Variants in WDR44 observed in about 807,000 individuals in gnomAD.
WDR44 encodes WD repeat-containing protein 44.
WDR44 carries 9 observed loss-of-function variants against 65.7 expected under a neutral mutation model. The observed-to-expected ratio is 0.14, with a 90% confidence interval of 0.08 to 0.24. The LOEUF is 0.24. Ranked by LOEUF, WDR44 falls within the 10% of genes least tolerant of loss-of-function variation. The pLI is 1.00. For missense variants in WDR44, 425 were observed against 670.9 expected, an observed-to-expected ratio of 0.63 and a Z score of 4.05; for synonymous variants, 220 against 235.2, an observed-to-expected ratio of 0.94 and a Z score of 0.59.
chrX:118,398,538 C>T (rs2056885637), intron 8 of WDR44, 68 bp downstream of exon 8: 3 of 915,922 alleles, frequency 3.3e-6, no homozygotes, highest in Non-Finnish European at 3.1e-6. Flanking sequence ...AACTACCATA[C>T]TATTTTAAAT....
chrX:118,346,695 C>G, intron 1 of WDR44, 115 bp downstream of exon 1: 1 of 588,159 alleles, frequency 1.7e-6, no homozygotes, highest in Non-Finnish European at 2.6e-6. Context: ...TGTTCCTCCC[C>G]GTCTCACTGG....
chrX:118,393,592 CAA>C (rs34351231), intron 4 of WDR44, among the ~76,000 whole-genome samples: 46 of 83,084 alleles, frequency 5.5e-4, no homozygotes, highest in South Asian at 5.6e-4. Flanking sequence ...AATCTTGTCT[CAA>C]AAAAAAAAAA....
chrX:118,353,315 C>T (rs1401921033), intron 1 of WDR44, among the ~76,000 whole-genome samples: 1 of 111,913 alleles, frequency 8.9e-6, no homozygotes, highest in Non-Finnish European at 1.9e-5. Flanking sequence ...TACCTGATGG[C>T]AACCCTGATG....
intron 1 of WDR44, 67 bp downstream of exon 1, chrX:118,346,647 C>T (rs903873204): frequency 3.0e-5 from 26 of 875,955 alleles, no homozygotes; most frequent in Non-Finnish European, 4.0e-5. Context: ...GTGTCTTCCC[C>T]CTACACCCCT....
At position 118,393,208 on chromosome X, in the gene WDR44, C is replaced by T. The variant is rs1214965973; in HGVS notation, c.763C>T (p.Pro255Ser). ...ACCCCCACCTCCTTCTCGACCTGCT[C>T]CACCACCAAGAAAAAGGAAAAGCGA... ...PRPPPPSRPA[P>S]PPRKRKSELE... The change falls in exon 4 of 20, where the codon CCA becomes TCA. Residue 255 changes from proline (P) to serine (S), a missense_variant. This residue lies in a region of WDR44 where 193 missense variants were observed against 209.0 expected (regional missense o/e 0.92). Coordinates refer to ENST00000254029, the MANE Select transcript of WDR44 (RefSeq NM_019045.5). 6 of 1,203,411 alleles carry T rather than the reference C, an allele frequency of 5.0e-6. No homozygotes were observed. The highest frequency in any genetic ancestry group is 6.7e-6 in the Non-Finnish European group (6 of 893,438).
chrX:118,437,079 C>G (rs925542226), intron 14 of WDR44, among the ~76,000 whole-genome samples: 2 of 110,834 alleles, frequency 1.8e-5, no homozygotes, highest in South Asian at 7.6e-4. Flanking sequence ...AATAAAGTAT[C>G]CTATTAAAGA....
intron 1 of WDR44, among the ~76,000 whole-genome samples, chrX:118,364,791 T>C (rs952950687): frequency 1.8e-5 from 2 of 112,445 alleles, no homozygotes; most frequent in Non-Finnish European, 3.8e-5. Flanking sequence ...TTTAATACTT[T>C]ATCAGGGAAG....
chrX:118,395,913 C>A (rs1307668577), intron 6 of WDR44, among the ~76,000 whole-genome samples: 1 of 110,320 alleles, frequency 9.1e-6, no homozygotes, highest in Non-Finnish European at 1.9e-5. Flanking sequence ...ATCCCAGTTA[C>A]CCAGAGGCTG....
intron 1 of WDR44, among the ~76,000 whole-genome samples, chrX:118,354,680 T>C (rs1195077990): frequency 9.0e-6 from 1 of 111,511 alleles, no homozygotes; most frequent in East Asian, 2.8e-4. Flanking sequence ...TTTTGTTACA[T>C]AGGTATACAC....
chrX:118,368,481 A>ATATATATATATATATATATATATAT (rs1377849821), intron 1 of WDR44, among the ~76,000 whole-genome samples: 3 of 95,287 alleles, frequency 3.1e-5, no homozygotes, highest in Non-Finnish European at 6.0e-5. Context: ...ATATATATAT[A>ATATATATATATATATATATATATAT]CTTCTTGAGG....
intron 1 of WDR44, among the ~76,000 whole-genome samples, chrX:118,358,906 C>G (rs998626328): frequency 9.0e-6 from 1 of 110,913 alleles, no homozygotes; most frequent in Non-Finnish European, 1.9e-5. Context: ...AACTCCATCT[C>G]TACTAAAAAT....
chrX:118,401,810 C>T (rs1361413101), intron 8 of WDR44, among the ~76,000 whole-genome samples: 3 of 103,124 alleles, frequency 2.9e-5, no homozygotes, highest in Non-Finnish European at 3.9e-5. Flanking sequence ...TTAGGTCTAA[C>T]GTTTAAATCT....
At chrX:118,383,032 A>G (rs938316098) in intron 2 of WDR44, among the ~76,000 whole-genome samples, 1 of 111,956 alleles carries the variant, frequency 8.9e-6, no homozygotes, top group African/African-American at 3.2e-5. Context: ...CCTGGATGTT[A>G]TACATCACTG....
chrX:118,414,388 T>C (rs961331404), intron 12 of WDR44, among the ~76,000 whole-genome samples: 4 of 108,923 alleles, frequency 3.7e-5, no homozygotes, highest in African/African-American at 1.3e-4. Context: ...GTGGCACTAT[T>C]CACAATAGCA....
At chrX:118,398,521 AT>A (rs2056885292) in intron 8 of WDR44, 51 bp downstream of exon 8, 4 of 982,568 alleles carry the variant, frequency 4.1e-6, no homozygotes, top group Non-Finnish European at 5.7e-6. Flanking sequence ...ATTTAAAAAA[AT>A]ATGAGAACTA....
chrX:118,430,086 G>A (rs1346569803), intron 12 of WDR44, among the ~76,000 whole-genome samples: 3 of 111,561 alleles, frequency 2.7e-5, no homozygotes, highest in Non-Finnish European at 5.6e-5. Context: ...GGTATAATAG[G>A]AAGATTGGTA....
intron 1 of WDR44, among the ~76,000 whole-genome samples, chrX:118,350,341 C>T (rs953510793): frequency 4.5e-5 from 5 of 111,583 alleles, no homozygotes; most frequent in Admixed American, 2.9e-4. Flanking sequence ...GACTGTCTGG[C>T]GTTCTTTCTG....
At chrX:118,432,731 G>A in intron 12 of WDR44, 50 bp from the exon 13 acceptor site, 2 of 1,048,408 alleles carry the variant, frequency 1.9e-6, no homozygotes, top group Non-Finnish European at 2.7e-6. Context: ...GGAAGAATGT[G>A]AAACTAGTTT....
At chrX:118,442,772 G>A in intron 17 of WDR44, 92 bp downstream of exon 17, 1 of 697,579 alleles carries the variant, frequency 1.4e-6, no homozygotes, top group Non-Finnish European at 2.2e-6. Context: ...GTTTAATGGG[G>A]TTCTTTTCAC....
Sources: allele counts gnomAD v4.1 joint callset (sites outside exome capture counted in the v4.1 genomes callset), GRCh38; gene constraint gnomAD v4.1.1; regional missense constraint gnomAD v4.1.1; transcripts MANE v1.5; gene names NCBI Gene and HGNC (gene_info 2026-07-23, HGNC 2026-07-21).